Variants in QRFPR observed in about 807,000 individuals in gnomAD.
The protein encoded by QRFPR is pyroglutamylated RFamide peptide receptor, also known as pyroglutamylated RF-amide peptide receptor.
QRFPR carries 37 observed loss-of-function variants against 31.3 expected under a neutral mutation model. The observed-to-expected ratio is 1.18, with a 90% CI of 0.91 to 1.56. The LOEUF (loss-of-function observed/expected upper bound fraction) is 1.56. Among genes scored for constraint, QRFPR ranks in the 40% most tolerant of loss-of-function variants. The probability of loss-of-function intolerance (pLI) is 0.00; values close to 1 mark genes in which losing one functional copy is unlikely to be tolerated. For missense variants in QRFPR, 542 were observed against 532.5 expected, an observed-to-expected ratio of 1.02 and a Z score of -0.18; for synonymous variants, 197 against 192.0, an observed-to-expected ratio of 1.03 and a Z score of -0.22.
chr4:121,333,833 T>C (rs1278809807), intron 3 of QRFPR, among the ~76,000 whole-genome samples: 1 of 152,164 alleles, frequency 6.6e-6, no homozygotes, highest in Non-Finnish European at 1.5e-5. Context: ...AAAACGAGAA[T>C]ATTTATCAAA....
intron 1 of QRFPR, among the ~76,000 whole-genome samples, chr4:121,365,602 A>T (rs7691849): frequency 0.05 from 644 of 12,856 alleles, 54 homozygotes; most frequent in Middle Eastern, 0.071. Flanking sequence ...ATATATATAT[A>T]ATATATATAT....
In QRFPR at chr4:121,380,493, C is replaced by A; in HGVS notation, c.155G>T (p.Gly52Val). Residue 52 changes from glycine (G) to valine (V), a missense_variant, in exon 1 of 6, where the codon GGC (glycine) becomes GTC (valine). Gly to Val is a moderately radical substitution (Grantham distance 109, BLOSUM62 -3). Transcript: ENST00000394427. ...GRAKLALVLT[G>V]VLIFALALFG... ...GAGCGCCAGGGCGAAGATGAGCACGCCGGTGAGCACGAGGGCCAGCTTGGC... is the reference window on the plus strand; with the variant it reads ...GAGCGCCAGGGCGAAGATGAGCACGACGGTGAGCACGAGGGCCAGCTTGGC... 2 of 1,614,164 alleles carry A rather than the reference C, an allele frequency of 1.2e-6. No individual in the cohort carries two copies. Among genetic ancestry groups the A allele is most frequent in the South Asian group, 1.1e-5 (1 of 91,082 alleles).
chr4:121,377,046 C>T (rs1726368041), intron 1 of QRFPR, among the ~76,000 whole-genome samples: 1 of 152,168 alleles, frequency 6.6e-6, no homozygotes. Flanking sequence ...GAGAGACAGG[C>T]AATGTAGAGA....
At chr4:121,345,768 A>G (rs996801247) in intron 1 of QRFPR, among the ~76,000 whole-genome samples, 3 of 152,234 alleles carry the variant, frequency 2.0e-5, no homozygotes, top group Admixed American at 1.3e-4. Flanking sequence ...CTCACTGAGA[A>G]CAGTGTTCAC....
Position 121,355,782 on chromosome 4 carries a change from AT to A in QRFPR, c.341-15173del, listed in dbSNP as rs201696442. On this transcript the variant is annotated intron_variant, in intron 1 of 5. Coordinates refer to ENST00000394427, the MANE Select transcript of QRFPR (RefSeq NM_198179.3). The stretch of plus-strand genomic sequence containing the variant: ...TTTCCATTTTTATTTGTTTTAAGAA[AT>A]TTTAAAAAAAACTTAAAAATTTCTT... 5.7e-3 allele frequency among the ~76,000 whole-genome samples: 869 copies of A among 152,100 alleles called. 12 individuals carry two copies. The highest frequency in any genetic ancestry group is 0.02 in the African/African-American group (837 of 41,520).
rs17438900 is a variant in QRFPR at position 121,380,467 on chromosome 4, A to C, written c.181T>G (p.Phe61Val). ...ACGTAGAACACCAGAGCATTGCCAA[A>C]GAGCGCCAGGGCGAAGATGAGCACG... The part of the protein sequence containing the change: ...TGVLIFALAL[F>V]GNALVFYVVT... The change falls in exon 1 of 6, where the codon TTT (phenylalanine) becomes GTT (valine). Residue 61 changes from phenylalanine to valine, a missense_variant. Coordinates refer to ENST00000394427, the MANE Select transcript of QRFPR (RefSeq NM_198179.3). The C allele has an allele frequency of 0.21, 343,420 of 1,614,108 alleles. 40,003 individuals are homozygous for C. Among genetic ancestry groups the C allele is most frequent in the Non-Finnish European group, 0.24 (288,369 of 1,179,970 alleles).
chr4:121,329,129 T>C lies in QRFPR; in HGVS notation c.*185A>G. Reference sequence around the variant, plus strand: ...GGAACACAGAAATCTGTTAAATGATTGTGATCAATTGGTTGTAAACATCAC... The same window carrying C: ...GGAACACAGAAATCTGTTAAATGATCGTGATCAATTGGTTGTAAACATCAC... On this transcript the variant is annotated 3_prime_UTR_variant, in exon 6 of 6. Transcript: ENST00000394427. 2.0e-6 allele frequency: 1 copy of C among 509,012 alleles called. No homozygotes were observed. Among genetic ancestry groups the C allele is most frequent in the East Asian group, 3.2e-5 (1 of 31,664 alleles). 31.5% of individuals were successfully genotyped at this position (509,012 alleles called of 1,614,324 possible).
chr4:121,351,620 A>C (rs1489762411), intron 1 of QRFPR, among the ~76,000 whole-genome samples: 2 of 152,148 alleles, frequency 1.3e-5, no homozygotes, highest in Non-Finnish European at 2.9e-5. Flanking sequence ...AAAATAACCC[A>C]TCATGAAGTA....
chr4:121,353,117 T>G (rs1042625718), intron 1 of QRFPR, among the ~76,000 whole-genome samples: 1 of 152,116 alleles, frequency 6.6e-6, no homozygotes, highest in African/African-American at 2.4e-5. Context: ...AATTCATCCA[T>G]TGGTGGATAT....
intron 1 of QRFPR, among the ~76,000 whole-genome samples, chr4:121,350,343 C>G (rs1333233189): frequency 6.6e-6 from 1 of 152,146 alleles, no homozygotes; most frequent in Non-Finnish European, 1.5e-5. Flanking sequence ...TGTTTAGTCC[C>G]CATATTATTT....
intron 2 of QRFPR, among the ~76,000 whole-genome samples, chr4:121,337,216 C>A (rs892751457): frequency 3.0e-4 from 46 of 152,172 alleles, no homozygotes; most frequent in African/African-American, 1.1e-3. Flanking sequence ...TACTGAGGAG[C>A]CTGCAGTGCT....
chr4:121,332,022 T>C (rs1401789152), intron 4 of QRFPR, among the ~76,000 whole-genome samples: 2 of 152,068 alleles, frequency 1.3e-5, no homozygotes, highest in African/African-American at 2.4e-5. Flanking sequence ...TAACGATAGG[T>C]CCCAAGGTGC....
chr4:121,365,636 ATATT>A lies in QRFPR; in HGVS notation c.340+14668_340+14671del, dbSNP rs1560744242. On this transcript the variant is annotated intron_variant, in intron 1 of 5. Coordinates refer to ENST00000394427, the MANE Select transcript of QRFPR (RefSeq NM_198179.3). ...ATTATATATATTATATATTATATAT[ATATT>A]TTATATATTATATATTATATATATT... Among the ~76,000 whole-genome samples the A allele has an allele frequency of 8.6e-4, 24 of 27,884 alleles. 1 individual carries two copies. The highest frequency in any genetic ancestry group is 3.7e-3 in the East Asian group (2 of 534). The allele number at this position is 27,884 out of a possible 152,430, so 18.3% of individuals were successfully genotyped here. A position where few individuals can be genotyped will look rare whatever the true frequency, so the allele number is the denominator to read the frequency against.
At chr4:121,371,505 C>T (rs763886090) in intron 1 of QRFPR, among the ~76,000 whole-genome samples, 8 of 152,118 alleles carry the variant, frequency 5.3e-5, no homozygotes, top group Non-Finnish European at 1.0e-4. Flanking sequence ...AGTTGGTCCA[C>T]TGGGGAGTAT....
chr4:121,365,277 C>A (rs1318163730), intron 1 of QRFPR, among the ~76,000 whole-genome samples: 1 of 143,964 alleles, frequency 6.9e-6, no homozygotes, highest in African/African-American at 2.6e-5. Flanking sequence ...CACAGTGAAA[C>A]CTCGTCTCTG....
At chr4:121,363,261 G>A (rs1269124759) in intron 1 of QRFPR, among the ~76,000 whole-genome samples, 1 of 150,144 alleles carries the variant, frequency 6.7e-6, no homozygotes, top group East Asian at 2.0e-4. Context: ...GGGAGATGGA[G>A]GTTGCAGTGA....
chr4:121,351,888 T>C (rs1725767717), intron 1 of QRFPR, among the ~76,000 whole-genome samples: 1 of 149,206 alleles, frequency 6.7e-6, no homozygotes, highest in African/African-American at 2.5e-5. Flanking sequence ...TATGCCAATA[T>C]AATGCAAATC....
chr4:121,376,250 G>A (rs1726350654), intron 1 of QRFPR, among the ~76,000 whole-genome samples: 1 of 152,214 alleles, frequency 6.6e-6, no homozygotes, highest in African/African-American at 2.4e-5. Flanking sequence ...CATGTTGGAA[G>A]GAGTCCTGGG....
At chr4:121,374,152 G>A (rs1000111907) in intron 1 of QRFPR, among the ~76,000 whole-genome samples, 25 of 152,012 alleles carry the variant, frequency 1.6e-4, no homozygotes, top group African/African-American at 6.0e-4. Flanking sequence ...CACCATTTTT[G>A]AATCCTTTCC....
Sources: allele counts gnomAD v4.1 joint callset (sites outside exome capture counted in the v4.1 genomes callset), GRCh38; gene constraint gnomAD v4.1.1; transcripts MANE v1.5; gene names NCBI Gene and HGNC (gene_info 2026-07-23, HGNC 2026-07-21).